The following RIT2 variants were observed in gnomAD, a reference collection of about 807,000 sequenced individuals.
The protein encoded by RIT2 is GTP-binding protein Rit2.
In RIT2, 24 loss-of-function variants were observed where a neutral mutation model predicts 23.7. The ratio of observed to expected loss-of-function variants is 1.01; its 90% CI spans 0.73 to 1.43. The LOEUF is 1.43. Ranked by LOEUF, RIT2 falls within the 40% of genes most tolerant of loss-of-function variation. The probability of loss-of-function intolerance (pLI) is 0.00; values close to 1 mark genes in which losing one functional copy is unlikely to be tolerated. For synonymous variants in RIT2, 107 were observed against 91.1 expected, an observed-to-expected ratio of 1.17 and a Z score of -0.99; for missense variants, 236 against 266.9, an observed-to-expected ratio of 0.88 and a Z score of 0.81.
At chr18:42,984,966 A>G (rs1910677385) in intron 2 of RIT2, among the ~76,000 whole-genome samples, 1 of 152,008 alleles carries the variant, frequency 6.6e-6, no homozygotes, top group Admixed American at 6.6e-5. Flanking sequence ...GTGAAAAAAA[A>G]GTTTAGCATA....
chr18:42,900,220 C>T (rs1411395373), intron 4 of RIT2, among the ~76,000 whole-genome samples: 2 of 151,994 alleles, frequency 1.3e-5, no homozygotes, highest in Non-Finnish European at 2.9e-5. Flanking sequence ...GAAATTTCTG[C>T]TTCTCTTTGG....
intron 4 of RIT2, among the ~76,000 whole-genome samples, chr18:42,905,996 ATATATATATACATATATATATATATG>A (rs1270821259): frequency 0.07 from 123 of 1,750 alleles, 1 homozygote; most frequent in African/African-American, 0.21. Context: ...ATATATGTAT[ATATATATATACATATATATATATATG>A]TATATATATA....
chr18:43,047,789 A>C (rs1291663003), intron 1 of RIT2, among the ~76,000 whole-genome samples: 1 of 152,198 alleles, frequency 6.6e-6, no homozygotes, highest in Non-Finnish European at 1.5e-5. Context: ...CAATTTAATA[A>C]TAGATGTCAA....
chr18:42,811,067 G>T (rs1197723702), intron 4 of RIT2, among the ~76,000 whole-genome samples: 1 of 151,966 alleles, frequency 6.6e-6, no homozygotes, highest in African/African-American at 2.4e-5. Flanking sequence ...TATAGATTTT[G>T]TCTGGAAAGT....
At chr18:42,936,004 T>G (rs1373278656) in intron 3 of RIT2, among the ~76,000 whole-genome samples, 1 of 151,574 alleles carries the variant, frequency 6.6e-6, no homozygotes. Flanking sequence ...ACATCCGAGA[T>G]ACAGTGCGAA....
At chr18:43,083,488 G>T (rs1409980476) in intron 1 of RIT2, among the ~76,000 whole-genome samples, 1 of 152,084 alleles carries the variant, frequency 6.6e-6, no homozygotes, top group African/African-American at 2.4e-5. Flanking sequence ...TATACTAAAA[G>T]GCTACAGTAA....
chr18:42,757,880 G>C (rs1913201122), intron 4 of RIT2, among the ~76,000 whole-genome samples: 1 of 152,010 alleles, frequency 6.6e-6, no homozygotes, highest in Non-Finnish European at 1.5e-5. Flanking sequence ...CAACATCCTG[G>C]ACTAGCACCT....
intron 2 of RIT2, among the ~76,000 whole-genome samples, chr18:43,024,507 G>A (rs1911665035): frequency 6.6e-6 from 1 of 151,962 alleles, no homozygotes; most frequent in African/African-American, 2.4e-5. Context: ...GCCTTGGCAA[G>A]TAATTCATGA....
chr18:43,042,463 T>C (rs1912150475), intron 1 of RIT2, among the ~76,000 whole-genome samples: 1 of 151,974 alleles, frequency 6.6e-6, no homozygotes, highest in African/African-American at 2.4e-5. Context: ...CCAAGGAGAG[T>C]CTTTGTTGGT....
chr18:43,073,897 G>T (rs535645150), intron 1 of RIT2, among the ~76,000 whole-genome samples: 2 of 152,262 alleles, frequency 1.3e-5, no homozygotes, highest in East Asian at 3.9e-4. Flanking sequence ...GTTTAAATGG[G>T]TGTGAAAGCA....
chr18:42,906,389 C>T (rs78501957), intron 4 of RIT2, among the ~76,000 whole-genome samples: 2,129 of 152,182 alleles, frequency 0.014, 45 homozygotes, highest in African/African-American at 0.048. Context: ...CTGCTTAAAT[C>T]ATATTACATT....
At chr18:42,771,259 G>A (rs1024286733) in intron 4 of RIT2, among the ~76,000 whole-genome samples, 16 of 152,028 alleles carry the variant, frequency 1.1e-4, no homozygotes, top group Non-Finnish European at 1.9e-4. Context: ...GGTATGAAAC[G>A]TTAGTTTCAC....
At chr18:42,866,671 C>T (rs1907479665) in intron 4 of RIT2, among the ~76,000 whole-genome samples, 1 of 151,030 alleles carries the variant, frequency 6.6e-6, no homozygotes, top group African/African-American at 2.4e-5. Context: ...ACCCCTTCTC[C>T]TAGGGTCACT....
At chr18:42,996,146 T>C (rs1271590962) in intron 2 of RIT2, among the ~76,000 whole-genome samples, 2 of 152,164 alleles carry the variant, frequency 1.3e-5, no homozygotes, top group Non-Finnish European at 2.9e-5. Flanking sequence ...CAAAACCGTA[T>C]CCAGGCCATC....
chr18:42,750,125 T>C (rs1358788215), intron 4 of RIT2, among the ~76,000 whole-genome samples: 3 of 151,916 alleles, frequency 2.0e-5, no homozygotes, highest in Non-Finnish European at 4.4e-5. Context: ...ACATTGTTAG[T>C]AAATTTTTAA....
intron 3 of RIT2, among the ~76,000 whole-genome samples, chr18:42,969,351 A>G (rs74691442): frequency 6.6e-6 from 1 of 152,136 alleles, no homozygotes; most frequent in South Asian, 2.1e-4. Context: ...GGAAGAAAGG[A>G]AAAAAATAAA....
intron 2 of RIT2, among the ~76,000 whole-genome samples, chr18:42,985,631 A>C (rs1012302064): frequency 6.6e-6 from 1 of 152,168 alleles, no homozygotes; most frequent in Non-Finnish European, 1.5e-5. Context: ...CAGTGGAAAA[A>C]ATCTTTCAAT....
intron 4 of RIT2, among the ~76,000 whole-genome samples, chr18:42,878,761 A>C (rs903446216): frequency 1.3e-5 from 2 of 151,854 alleles, no homozygotes; most frequent in African/African-American, 4.8e-5. Flanking sequence ...TAACTTCCTG[A>C]GTTTTCTATG....
intron 4 of RIT2, among the ~76,000 whole-genome samples, chr18:42,867,348 A>G (rs1206791173): frequency 6.6e-6 from 1 of 152,130 alleles, no homozygotes; most frequent in East Asian, 1.9e-4. Flanking sequence ...CTAAAAAGCT[A>G]TGTTTCTATC....
Sources: gnomAD v4.1 joint callset for allele counts (sites outside exome capture counted in the v4.1 genomes callset) on GRCh38, gnomAD v4.1.1 for gene constraint, MANE v1.5 for transcripts, NCBI Gene and HGNC (gene_info 2026-07-23, HGNC 2026-07-21) for gene names.